FREM2: variants seen among roughly 807,000 people sequenced by gnomAD.
FREM2 encodes the protein FRAS1 related extracellular matrix 2.
In FREM2, 119 loss-of-function variants were observed where a neutral mutation model predicts 219.9. That is an observed-to-expected ratio of 0.54 (90% confidence interval 0.47 to 0.63). FREM2 has a LOEUF of 0.63. Ranked by LOEUF, FREM2 falls within the 30% of genes least tolerant of loss-of-function variation. FREM2 has a pLI of 0.00. For missense variants in FREM2, 4,030 were observed against 3,993.6 expected, an observed-to-expected ratio of 1.01 and a Z score of -0.25; for synonymous variants, 1,562 against 1,522.8, an observed-to-expected ratio of 1.03 and a Z score of -0.60.
chr13:38,879,026 G>A (rs1273089755), intron 23 of FREM2, 49 bp downstream of exon 23: 3 of 1,559,420 alleles, frequency 1.9e-6, no homozygotes, highest in Non-Finnish European at 2.7e-6. Context: ...CCACATGCAA[G>A]TTATGGAACA....
intron 16 of FREM2, among the ~76,000 whole-genome samples, chr13:38,865,136 C>T (rs567865171): frequency 3.3e-5 from 5 of 152,192 alleles, no homozygotes; most frequent in South Asian, 2.1e-4. Flanking sequence ...TCCTCTTCTT[C>T]GCTTTTTGAT....
intron 3 of FREM2, among the ~76,000 whole-genome samples, chr13:38,764,769 A>AAC (rs1433667347): frequency 6.6e-6 from 1 of 152,242 alleles, no homozygotes; most frequent in Admixed American, 6.5e-5. Flanking sequence ...AGTTTTCTGA[A>AAC]ACATGAGTAT....
intron 16 of FREM2, among the ~76,000 whole-genome samples, chr13:38,864,893 A>T (rs916147724): frequency 6.6e-6 from 1 of 152,232 alleles, no homozygotes; most frequent in South Asian, 2.1e-4. Context: ...CTCTGATATT[A>T]TAAAAATCCA....
chr13:38,862,358 A>G (rs1877792801), intron 15 of FREM2, among the ~76,000 whole-genome samples: 1 of 152,162 alleles, frequency 6.6e-6, no homozygotes, highest in African/African-American at 2.4e-5. Flanking sequence ...CTTCCTTTAT[A>G]GCATAATGTT....
Position 38,840,644 on chromosome 13 carries a change from A to ATATATATATATATATATATGTG in FREM2, c.6020-5928_6020-5927insATATATATATATATATATGTGT, listed in dbSNP as rs1184958401. 3.5e-3 allele frequency among the ~76,000 whole-genome samples: 472 copies of ATATATATATATATATATATGTG among 134,208 alleles called. 8 individuals carry two copies. Among genetic ancestry groups the ATATATATATATATATATATGTG allele is most frequent in the African/African-American group, 0.012 (410 of 35,018 alleles). The allele number at this position is 134,208 out of a possible 152,430, so 88.0% of individuals were successfully genotyped here. A position where few individuals can be genotyped will look rare whatever the true frequency, so the allele number is the denominator to read the frequency against. On this transcript the variant is annotated intron_variant, in intron 6 of 23. Transcript: ENST00000280481. Reference sequence around the variant, plus strand: ...AACTAAAATATATATATATATATATATGTGTATGTATATATATACACACAC... The same window carrying ATATATATATATATATATATGTG: ...AACTAAAATATATATATATATATATATATATATATATATATATATGTGTGTGTATGTATATATATACACACAC...
chr13:38,701,342 T>C (rs1870334737), intron 2 of FREM2, among the ~76,000 whole-genome samples: 1 of 152,144 alleles, frequency 6.6e-6, no homozygotes, highest in Non-Finnish European at 1.5e-5. Flanking sequence ...CGTGTATATA[T>C]GTAGCAACTG....
chr13:38,757,207 C>G (rs774528680), intron 2 of FREM2, among the ~76,000 whole-genome samples: 1 of 152,098 alleles, frequency 6.6e-6, no homozygotes, highest in African/African-American at 2.4e-5. Context: ...ACATTATATA[C>G]CTGGGATGGG....
At chr13:38,750,014 A>G (rs1000052996) in intron 2 of FREM2, among the ~76,000 whole-genome samples, 3 of 152,166 alleles carry the variant, frequency 2.0e-5, no homozygotes, top group Non-Finnish European at 4.4e-5. Flanking sequence ...CCTAAGTTGA[A>G]AGAGAGAGAA....
chr13:38,752,019 C>A (rs1430351141), intron 2 of FREM2, among the ~76,000 whole-genome samples: 2 of 152,128 alleles, frequency 1.3e-5, no homozygotes, highest in East Asian at 3.8e-4. Flanking sequence ...AGAGCAATCA[C>A]CAAAGGGTTC....
Position 38,687,111 on chromosome 13 carries a change from G to A in FREM2, c.-234G>A, listed in dbSNP as rs1869481204. ...GGGATTCAATTCTCCGCGCGATTGA[G>A]GCGCTAGCGGCGGAGCTGGACGGCC... On this transcript the variant is annotated 5_prime_UTR_variant, in exon 1 of 24. Coordinates refer to ENST00000280481, the MANE Select transcript of FREM2 (RefSeq NM_207361.6). The A allele has an allele frequency of 1.0e-5, 6 of 593,364 alleles. No individual in the cohort carries two copies. The highest frequency in any genetic ancestry group is 8.9e-5 in the Admixed American group (3 of 33,558). 36.8% of individuals were successfully genotyped at this position (593,364 alleles called of 1,614,324 possible). A position where few individuals can be genotyped will look rare whatever the true frequency, so the allele number is the denominator to read the frequency against.
At chr13:38,831,369 A>G (rs1053337415) in intron 6 of FREM2, among the ~76,000 whole-genome samples, 1 of 152,096 alleles carries the variant, frequency 6.6e-6, no homozygotes, top group Non-Finnish European at 1.5e-5. Context: ...AGATTCCAGA[A>G]TGAAACTACA....
intron 2 of FREM2, among the ~76,000 whole-genome samples, chr13:38,754,094 G>C (rs1489745438): frequency 6.6e-6 from 1 of 152,068 alleles, no homozygotes; most frequent in Non-Finnish European, 1.5e-5. Context: ...GCTGTGGCCT[G>C]ATGATGCACA....
chr13:38,773,616 G>A (rs1239979045), intron 4 of FREM2, among the ~76,000 whole-genome samples: 3 of 151,864 alleles, frequency 2.0e-5, no homozygotes, highest in Non-Finnish European at 4.4e-5. Flanking sequence ...TTTTTGTAGA[G>A]ACAAGAGTCT....
intron 2 of FREM2, among the ~76,000 whole-genome samples, chr13:38,705,903 G>A (rs1870520353): frequency 6.6e-6 from 1 of 152,056 alleles, no homozygotes. Flanking sequence ...TTTGGTGTTG[G>A]TAGAAAGATG....
chr13:38,760,880 C>A (rs1157065236), intron 2 of FREM2, among the ~76,000 whole-genome samples: 1 of 151,538 alleles, frequency 6.6e-6, no homozygotes, highest in East Asian at 1.9e-4. Context: ...TGGAAAGTAC[C>A]GTAGAGAAAA....
intron 2 of FREM2, among the ~76,000 whole-genome samples, chr13:38,717,160 ATTTAT>A (rs151154225): frequency 0.03 from 4,496 of 152,190 alleles, 105 homozygotes; most frequent in East Asian, 0.078. Flanking sequence ...CTTAAAACTG[ATTTAT>A]TTTGTTTTAA....
rs1551026 is a variant in FREM2 at position 38,769,340 on chromosome 13, T to G, written c.5411-238T>G. Among the ~76,000 whole-genome samples, 13,435 of 152,186 alleles carry G rather than the reference T, an allele frequency of 0.088. 621 individuals are homozygous for G. Among genetic ancestry groups the G allele is most frequent in the South Asian group, 0.17 (840 of 4,826 alleles). On this transcript the variant is annotated intron_variant, in intron 3 of 23. Coordinates refer to ENST00000280481, the MANE Select transcript of FREM2 (RefSeq NM_207361.6). ...AAGAAGTTCTAATCCAAATGTAGCTTAAAGCATATATAGCAAAACCATAAT... is the reference window on the plus strand; with the variant it reads ...AAGAAGTTCTAATCCAAATGTAGCTGAAAGCATATATAGCAAAACCATAAT...
chr13:38,848,905 A>G (rs896447218), intron 8 of FREM2, among the ~76,000 whole-genome samples: 1 of 152,060 alleles, frequency 6.6e-6, no homozygotes, highest in African/African-American at 2.4e-5. Flanking sequence ...GCTGTCAGGG[A>G]AGGAGGTTCC....
chr13:38,713,526 T>C (rs1870864979), intron 2 of FREM2, among the ~76,000 whole-genome samples: 1 of 152,250 alleles, frequency 6.6e-6, no homozygotes, highest in Admixed American at 6.5e-5. Context: ...GATTGTGTTA[T>C]ATGTTTATTA....
Sources: gnomAD v4.1 joint callset for allele counts (sites outside exome capture counted in the v4.1 genomes callset) on GRCh38, gnomAD v4.1.1 for gene constraint, MANE v1.5 for transcripts, NCBI Gene and HGNC (gene_info 2026-07-23, HGNC 2026-07-21) for gene names.